FILIP1L: variants seen among roughly 807,000 people sequenced by gnomAD.
FILIP1L encodes filamin A-interacting protein 1-like.
In FILIP1L, 55 loss-of-function variants were observed where a neutral mutation model predicts 96.6. The ratio of observed to expected loss-of-function variants is 0.57; its 90% CI spans 0.46 to 0.71. The LOEUF (loss-of-function observed/expected upper bound fraction) is 0.71. FILIP1L is among the 30% of genes least tolerant of loss of function. The pLI is 0.00. For missense variants in FILIP1L, 1,304 were observed against 1,321.2 expected, an observed-to-expected ratio of 0.99 and a Z score of 0.20; for synonymous variants, 467 against 473.9, an observed-to-expected ratio of 0.99 and a Z score of 0.19.
rs151236358 is a variant in FILIP1L, at chr3:100,013,679, C to A, written c.-10-82649G>T. On this transcript the variant is annotated intron_variant, in intron 1 of 5. Coordinates refer to ENST00000477258, the MANE Select transcript of FILIP1L (RefSeq NM_001387850.1). ...TCTAAACAGTGAAATGATATTTTTT[C>A]CTAGTTTTATTAAGGTTTAGTTGGC... 3.8e-3 allele frequency among the ~76,000 whole-genome samples: 579 copies of A among 152,010 alleles called. 5 individuals are homozygous for A. Among genetic ancestry groups the A allele is most frequent in the African/African-American group, 0.013 (523 of 41,452 alleles).
chr3:100,092,769 C>T (rs1182440267), intron 1 of FILIP1L, among the ~76,000 whole-genome samples: 2 of 151,150 alleles, frequency 1.3e-5, no homozygotes, highest in East Asian at 1.9e-4. Context: ...TCTTATCTCC[C>T]TGCATTCAGC....
chr3:100,016,248 A>G (rs1710335054), intron 1 of FILIP1L, among the ~76,000 whole-genome samples: 2 of 152,132 alleles, frequency 1.3e-5, no homozygotes, highest in Non-Finnish European at 2.9e-5. Context: ...GCTGGAGTGC[A>G]ATGGTGCGAT....
chr3:99,879,793 G>GA (rs1405772669), intron 4 of FILIP1L, among the ~76,000 whole-genome samples: 2 of 152,160 alleles, frequency 1.3e-5, no homozygotes, highest in African/African-American at 4.8e-5. Flanking sequence ...CATGTACAAA[G>GA]AAAAACAGCA....
chr3:99,834,111 A>G (rs746978819), intron 5 of FILIP1L, among the ~76,000 whole-genome samples: 2 of 152,242 alleles, frequency 1.3e-5, no homozygotes, highest in Non-Finnish European at 2.9e-5. Flanking sequence ...AGCTAGCCCA[A>G]AATTTCATAA....
At chr3:100,097,216 A>G (rs1256665667) in intron 1 of FILIP1L, among the ~76,000 whole-genome samples, 1 of 152,226 alleles carries the variant, frequency 6.6e-6, no homozygotes, top group Non-Finnish European at 1.5e-5. Flanking sequence ...TTGCCCTGAG[A>G]TGAACAGTTT....
intron 1 of FILIP1L, among the ~76,000 whole-genome samples, chr3:100,052,980 T>C (rs1239249353): frequency 6.6e-6 from 1 of 152,192 alleles, no homozygotes; most frequent in African/African-American, 2.4e-5. Flanking sequence ...GGATAAATGC[T>C]CTGTATATCA....
Position 100,037,451 on chromosome 3 carries a change from GAC to G in FILIP1L, c.-11+76600_-11+76601del, listed in dbSNP as rs66489523. Among the ~76,000 whole-genome samples, 10 of 151,392 alleles carry G rather than the reference GAC, an allele frequency of 6.6e-5. 1 individual carries two copies. Among genetic ancestry groups the G allele is most frequent in the African/African-American group, 1.7e-4 (7 of 41,322 alleles). On this transcript the variant is annotated intron_variant, in intron 1 of 5. Coordinates refer to ENST00000477258, the MANE Select transcript of FILIP1L (RefSeq NM_001387850.1). ...ACAAAAGATTAAAACAAAGCAAACA[GAC>G]ACACACACACACACGCACATTGTTA...
chr3:99,848,704 C>A lies in FILIP1L; in HGVS notation c.2972G>T (p.Gly991Val). 1 of 1,614,162 alleles carries A rather than the reference C, an allele frequency of 6.2e-7. No individual in the cohort carries two copies. Among genetic ancestry groups the A allele is most frequent in the Middle Eastern group, 1.7e-4 (1 of 6,058 alleles). Reference sequence around the variant, plus strand: ...CATTGTCCTTTCTGGAGTTAGAGAACCACAAGACTCTGGGGTCTGTGCTCT... The same window carrying A: ...CATTGTCCTTTCTGGAGTTAGAGAAACACAAGACTCTGGGGTCTGTGCTCT... ...FARAQTPESC[G>V]SLTPERTMSP... Residue 991 changes from glycine to valine, a missense_variant, in exon 5 of 6, where the codon GGT becomes GTT. Coordinates refer to ENST00000477258, the MANE Select transcript of FILIP1L (RefSeq NM_001387850.1).
chr3:99,912,446 G>A (rs776345631), intron 4 of FILIP1L, among the ~76,000 whole-genome samples: 8 of 152,062 alleles, frequency 5.3e-5, no homozygotes, highest in Non-Finnish European at 8.8e-5. Flanking sequence ...GCGTGATCTC[G>A]GCTTACTGCA....
Position 99,857,692 on chromosome 3 carries a change from A to G in FILIP1L, c.606-6622T>C, listed in dbSNP as rs921604199. The stretch of plus-strand genomic sequence containing the variant: ...AAACTTAGGGTGATCATCAAGCAAT[A>G]AAACGAATTCCACAAGCCATTAATG... On this transcript the variant is annotated intron_variant, in intron 4 of 5. Transcript: ENST00000477258. 7.9e-5 allele frequency among the ~76,000 whole-genome samples: 12 copies of G among 152,346 alleles called. No homozygotes were observed. In the South Asian group the frequency reaches 1.0e-3, roughly 13 times the overall value.
chr3:99,914,928 T>TG (rs1260668946), intron 4 of FILIP1L, among the ~76,000 whole-genome samples: 2 of 152,242 alleles, frequency 1.3e-5, no homozygotes, highest in Non-Finnish European at 2.9e-5. Flanking sequence ...ATGGTCATGA[T>TG]GTTTTTGTTA....
At chr3:99,979,216 A>G (rs1268432491) in intron 1 of FILIP1L, among the ~76,000 whole-genome samples, 1 of 152,206 alleles carries the variant, frequency 6.6e-6, no homozygotes, top group Non-Finnish European at 1.5e-5. Context: ...ACAATTACCT[A>G]TCAGTTTTAA....
At chr3:99,968,904 C>G (rs1224631496) in intron 1 of FILIP1L, among the ~76,000 whole-genome samples, 3 of 152,004 alleles carry the variant, frequency 2.0e-5, no homozygotes, top group Non-Finnish European at 4.4e-5. Context: ...TTTCAAGTCA[C>G]TTGCCTTAGA....
Position 99,910,341 on chromosome 3 carries a change from C to G in FILIP1L, c.605+13889G>C, listed in dbSNP as rs1269840245. On this transcript the variant is annotated intron_variant, in intron 4 of 5. Coordinates refer to ENST00000477258, the MANE Select transcript of FILIP1L (RefSeq NM_001387850.1). ...TTTGGGACACACTGACTCACACTGT[C>G]GACTGATAGAATGCAAACACATTCA... 1.5e-5 allele frequency among the ~76,000 whole-genome samples: 2 copies of G among 136,668 alleles called. 1 individual carries two copies. The highest frequency in any genetic ancestry group is 1.6e-4 in the Admixed American group (2 of 12,892). 89.7% of individuals were successfully genotyped at this position (136,668 alleles called of 152,430 possible). A position where few individuals can be genotyped will look rare whatever the true frequency, so the allele number is the denominator to read the frequency against.
intron 1 of FILIP1L, among the ~76,000 whole-genome samples, chr3:100,083,884 C>T (rs939106907): frequency 1.3e-5 from 2 of 152,018 alleles, no homozygotes; most frequent in African/African-American, 4.8e-5. Context: ...TGATTCTTGC[C>T]ATTGGAAGTT....
chr3:99,972,536 G>A (rs1016908257), intron 1 of FILIP1L, among the ~76,000 whole-genome samples: 1 of 152,156 alleles, frequency 6.6e-6, no homozygotes, highest in Non-Finnish European at 1.5e-5. Context: ...TCTGCCTCTA[G>A]TGCTGTCTGC....
intron 4 of FILIP1L, among the ~76,000 whole-genome samples, chr3:99,880,498 A>G (rs1705687565): frequency 6.6e-6 from 1 of 152,268 alleles, no homozygotes; most frequent in Non-Finnish European, 1.5e-5. Context: ...GAAGGCTTCC[A>G]ATTATTCTGC....
intron 4 of FILIP1L, among the ~76,000 whole-genome samples, chr3:99,881,779 C>T (rs547565094): frequency 2.6e-5 from 4 of 152,140 alleles, no homozygotes; most frequent in South Asian, 2.1e-4. Flanking sequence ...GTGATCTGCC[C>T]GCCTCGGCCT....
chr3:99,935,265 C>CAAAAAA (rs34961153), intron 1 of FILIP1L, among the ~76,000 whole-genome samples: 1 of 143,932 alleles, frequency 6.9e-6, no homozygotes, highest in Non-Finnish European at 1.5e-5. Context: ...TTCAGGGTAC[C>CAAAAAA]AAAAAAAAAA....
Sources: allele counts gnomAD v4.1 joint callset (sites outside exome capture counted in the v4.1 genomes callset), GRCh38; gene constraint gnomAD v4.1.1; transcripts MANE v1.5; gene names NCBI Gene and HGNC (gene_info 2026-07-23, HGNC 2026-07-21).